AOAH: variants seen among roughly 807,000 people sequenced by gnomAD.
AOAH encodes the protein acyloxyacyl hydrolase (neutrophil).
In AOAH, 64 loss-of-function variants were observed where a neutral mutation model predicts 92.2. That is an observed-to-expected ratio of 0.69 (90% CI 0.57 to 0.86). The LOEUF is 0.86. Among genes scored for constraint, AOAH ranks in the 40% least tolerant of loss-of-function variants. AOAH has a pLI of 0.00. For missense variants in AOAH, 656 were observed against 694.6 expected (o/e 0.94, Z 0.62); for synonymous variants, 263 against 254.5 (o/e 1.03, Z -0.32).
intron 13 of AOAH, among the ~76,000 whole-genome samples, chr7:36,558,915 C>T (rs1787035069): frequency 6.6e-6 from 1 of 152,260 alleles, no homozygotes; most frequent in African/African-American, 2.4e-5. Flanking sequence ...ACTCCTTGAC[C>T]CCTTGCACTT....
chr7:36,644,269 C>T (rs1794091629), intron 4 of AOAH, among the ~76,000 whole-genome samples: 1 of 152,042 alleles, frequency 6.6e-6, no homozygotes, highest in Admixed American at 6.5e-5. Flanking sequence ...CAATTCAGAC[C>T]CACTTGGCAC....
rs1799841009 is a variant in AOAH, at chr7:36,724,312, G to C, written c.-164C>G. ...CACATACACACTTTTCAATAAGTGT[G>C]AAGTGAATAAAAGCACACATAAACA... On this transcript the variant is annotated 5_prime_UTR_variant, in exon 1 of 21. Transcript: ENST00000617537. The C allele has an allele frequency of 1.4e-6, 1 of 707,556 alleles. No individual in the cohort carries two copies. The highest frequency in any genetic ancestry group is 2.9e-5 in the Admixed American group (1 of 34,500). 43.8% of individuals were successfully genotyped at this position (707,556 alleles called of 1,614,324 possible).
At chr7:36,623,350 T>C in intron 6 of AOAH, 100 bp from the exon 7 acceptor site, 2 of 1,066,538 alleles carry the variant, frequency 1.9e-6, no homozygotes, top group Non-Finnish European at 2.8e-6. Flanking sequence ...CTCTGTTGAG[T>C]TTATGCCACA....
At chr7:36,626,756 C>G (rs927619251) in intron 6 of AOAH, among the ~76,000 whole-genome samples, 7 of 152,120 alleles carry the variant, frequency 4.6e-5, no homozygotes, top group African/African-American at 1.2e-4. Context: ...CAAATCATAT[C>G]TGGCTCCAAG....
rs377452569 is a variant in AOAH at position 36,649,248 on chromosome 7, G to T, written c.390+9918C>A. On this transcript the variant is annotated intron_variant, in intron 4 of 20. Transcript: ENST00000617537. ...ATTTGATTGCTCTGGAAAGCTGGAG[G>T]GGAATGAGTGTTCTGTGAGGTTTGT... Among the ~76,000 whole-genome samples the T allele has an allele frequency of 8.0e-4, 122 of 152,300 alleles. 1 individual carries two copies. In the South Asian group the frequency reaches 0.017, roughly 22 times the overall value.
chr7:36,682,643 A>G (rs1180103166), intron 2 of AOAH, among the ~76,000 whole-genome samples: 1 of 152,138 alleles, frequency 6.6e-6, no homozygotes, highest in Non-Finnish European at 1.5e-5. Flanking sequence ...TAAGAATTAG[A>G]AAAACTCAGA....
chr7:36,518,956 C>T (rs1783969347), intron 20 of AOAH, among the ~76,000 whole-genome samples: 1 of 152,178 alleles, frequency 6.6e-6, no homozygotes, highest in Non-Finnish European at 1.5e-5. Flanking sequence ...TGAATAAAAT[C>T]TCTGATAAGA....
rs537637085 is a variant in AOAH, at chr7:36,563,019, C to T, written c.1022-13544G>A. The stretch of plus-strand genomic sequence containing the variant: ...AAAATTAGCCAGGCGTGGTGGCAGG[C>T]GCCTGTAATCCCAGCTACTCAGGAG... On this transcript the variant is annotated intron_variant, in intron 13 of 20. Transcript: ENST00000617537. Among the ~76,000 whole-genome samples, 98 of 151,554 alleles carry T rather than the reference C, an allele frequency of 6.5e-4. 1 individual carries two copies. Among genetic ancestry groups the T allele is most frequent in the Non-Finnish European group, 6.9e-4 (47 of 67,824 alleles).
intron 11 of AOAH, among the ~76,000 whole-genome samples, chr7:36,597,174 T>C (rs1562604956): frequency 6.6e-6 from 1 of 152,124 alleles, no homozygotes; most frequent in Non-Finnish European, 1.5e-5. Flanking sequence ...TTTATCCTCT[T>C]TAAAAACCAG....
intron 1 of AOAH, among the ~76,000 whole-genome samples, chr7:36,717,886 C>T (rs1426310766): frequency 1.3e-5 from 2 of 151,690 alleles, no homozygotes; most frequent in African/African-American, 4.8e-5. Context: ...ATAACTACAA[C>T]AACAATTTTA....
intron 20 of AOAH, among the ~76,000 whole-genome samples, chr7:36,517,127 G>A (rs1025382299): frequency 3.3e-5 from 5 of 150,574 alleles, no homozygotes; most frequent in African/African-American, 4.9e-5. Context: ...GCAGGGCACA[G>A]CTACCCTTTC....
intron 11 of AOAH, among the ~76,000 whole-genome samples, chr7:36,595,077 G>C (rs1045077136): frequency 6.6e-6 from 1 of 152,098 alleles, no homozygotes. Flanking sequence ...ACATTTCCAT[G>C]GCTTGTGCAA....
intron 13 of AOAH, among the ~76,000 whole-genome samples, chr7:36,569,794 G>A (rs1206929060): frequency 6.6e-6 from 1 of 151,848 alleles, no homozygotes; most frequent in Non-Finnish European, 1.5e-5. Context: ...TTATTTTTTA[G>A]TAGAGATGAG....
At chr7:36,625,513 C>T (rs982143370) in intron 6 of AOAH, among the ~76,000 whole-genome samples, 5 of 152,154 alleles carry the variant, frequency 3.3e-5, no homozygotes, top group Non-Finnish European at 7.3e-5. Context: ...ATTATGAGTG[C>T]CTGCTGTCCG....
chr7:36,616,288 C>G (rs2727817), intron 11 of AOAH, 92 bp downstream of exon 11: 10,618 of 1,001,428 alleles, frequency 0.011, 226 homozygotes, highest in African/African-American at 0.066. Flanking sequence ...AAATTTGCAC[C>G]TGTGTGGAGT....
intron 13 of AOAH, among the ~76,000 whole-genome samples, chr7:36,555,842 C>A (rs1583808416): frequency 6.6e-6 from 1 of 152,094 alleles, no homozygotes; most frequent in South Asian, 2.1e-4. Flanking sequence ...TCCCCTTTAT[C>A]GTTTTTTATT....
intron 1 of AOAH, among the ~76,000 whole-genome samples, chr7:36,705,799 T>C (rs1007680807): frequency 6.6e-5 from 10 of 152,076 alleles, no homozygotes; most frequent in African/African-American, 2.4e-4. Context: ...ATGGTACTGG[T>C]ACCAAAACAG....
chr7:36,612,239 A>G (rs1398575596), intron 11 of AOAH, among the ~76,000 whole-genome samples: 1 of 152,194 alleles, frequency 6.6e-6, no homozygotes, highest in Non-Finnish European at 1.5e-5. Flanking sequence ...ATGCTGACCT[A>G]CAACTTTCCA....
intron 4 of AOAH, among the ~76,000 whole-genome samples, chr7:36,643,607 A>G (rs529051348): frequency 6.6e-6 from 1 of 152,224 alleles, no homozygotes; most frequent in African/African-American, 2.4e-5. Context: ...TGTTCATTCT[A>G]TTCATTTATT....
Sources: gnomAD v4.1 joint callset for allele counts (sites outside exome capture counted in the v4.1 genomes callset) on GRCh38, gnomAD v4.1.1 for gene constraint, MANE v1.5 for transcripts, NCBI Gene and HGNC (gene_info 2026-07-23, HGNC 2026-07-21) for gene names.